Variants in PTBP2 observed in about 807,000 individuals in gnomAD.
PTBP2 encodes polypyrimidine tract binding protein 2, also known as polypyrimidine tract-binding protein 2.
A neutral mutation model predicts 61.4 loss-of-function variants in PTBP2; 13 were observed. The ratio of observed to expected loss-of-function variants is 0.21; its 90% CI spans 0.14 to 0.34. The LOEUF (loss-of-function observed/expected upper bound fraction) is 0.34, where lower values mean the gene tolerates loss of function less well. PTBP2 is among the 10% of genes least tolerant of loss of function. The pLI is 1.00. For synonymous variants in PTBP2, 215 were observed against 218.5 expected (o/e 0.98, Z 0.14); for missense variants, 405 against 642.6 (o/e 0.63, Z 4.00).
Position 96,770,750 on chromosome 1 carries a change from G to T in PTBP2, c.331G>T (p.Val111Phe). The change falls in exon 5 of 14, where the codon GTT (valine) becomes TTT (phenylalanine). Residue 111 changes from valine to phenylalanine, a missense_variant. Physicochemically the swap from Val to Phe is conservative, Grantham distance 50 (BLOSUM62 -1). Around this residue, in one of 4 missense-constraint regions of PTBP2, gnomAD observed 342 missense variants for 491.2 expected, o/e 0.70. Transcript: ENST00000674951. ...LATEEAAITM[V>F]NYYSAVTPHL... is the part of the protein sequence containing the mutation. ...AACCGAGGAAGCAGCTATTACTATG[G>T]TTAATTACTATTCTGCTGTGACACC... 6.2e-7 allele frequency: 1 copy of T among 1,611,914 alleles called. No individual in the cohort carries two copies. The highest frequency in any genetic ancestry group is 8.5e-7 in the Non-Finnish European group (1 of 1,178,264).
intron 3 of PTBP2, among the ~76,000 whole-genome samples, chr1:96,768,906 A>G (rs974682419): frequency 1.3e-5 from 2 of 152,022 alleles, no homozygotes; most frequent in Admixed American, 1.3e-4. Context: ...ACATTCTTTG[A>G]TCCCACCTTC....
At chr1:96,750,506 T>C (rs1654404766) in intron 2 of PTBP2, among the ~76,000 whole-genome samples, 1 of 152,068 alleles carries the variant, frequency 6.6e-6, no homozygotes, top group South Asian at 2.1e-4. Flanking sequence ...TAATACAGTT[T>C]ATTCATTATG....
intron 8 of PTBP2, among the ~76,000 whole-genome samples, chr1:96,801,981 A>T (rs931601384): frequency 6.6e-6 from 1 of 151,634 alleles, no homozygotes; most frequent in South Asian, 2.1e-4. Flanking sequence ...GGAGGCCGAG[A>T]CGGGTGGATC....
At chr1:96,737,475 A>C (rs912209598) in intron 2 of PTBP2, among the ~76,000 whole-genome samples, 1 of 150,004 alleles carries the variant, frequency 6.7e-6, no homozygotes, top group Non-Finnish European at 1.5e-5. Context: ...AAAAGAAGGC[A>C]AAAAAAAAGG....
intron 2 of PTBP2, among the ~76,000 whole-genome samples, chr1:96,729,126 A>G (rs748444736): frequency 7.9e-5 from 12 of 152,028 alleles, no homozygotes; most frequent in Non-Finnish European, 1.2e-4. Context: ...GGGTCAAGCA[A>G]TTCTCCTGCC....
At chr1:96,792,010 ATT>A (rs899965775) in intron 8 of PTBP2, among the ~76,000 whole-genome samples, 1 of 149,818 alleles carries the variant, frequency 6.7e-6, no homozygotes, top group Non-Finnish European at 1.5e-5. Context: ...ATTTCTTCAT[ATT>A]TTTTTTAGTA....
At chr1:96,772,592 T>A (rs1281504638) in intron 5 of PTBP2, among the ~76,000 whole-genome samples, 1 of 152,132 alleles carries the variant, frequency 6.6e-6, no homozygotes, top group East Asian at 1.9e-4. Context: ...TCCCCCAGCC[T>A]CTGGTGACTA....
At chr1:96,775,422 T>TTCCACAAA (rs1159575128) in intron 5 of PTBP2, among the ~76,000 whole-genome samples, 1 of 152,194 alleles carries the variant, frequency 6.6e-6, no homozygotes, top group African/African-American at 2.4e-5. Context: ...TGTTGTGTTG[T>TTCCACAAA]ATTCATTTAG....
exon 14 of PTBP2, chr1:96,821,628 AT>A (rs1473380783): frequency 9.6e-6 from 1 of 103,940 alleles, no homozygotes; most frequent in African/African-American, 2.7e-5. Context: ...TGCTTTTATT[AT>A]TATTATTATT....
intron 2 of PTBP2, among the ~76,000 whole-genome samples, chr1:96,725,723 G>A (rs1294712915): frequency 6.6e-6 from 1 of 152,100 alleles, no homozygotes; most frequent in Non-Finnish European, 1.5e-5. Flanking sequence ...AAGTAATTAA[G>A]TGTTCTTTAA....
At chr1:96,820,608 A>G (rs983696155) in exon 14 of PTBP2, 5 of 152,042 alleles carry the variant, frequency 3.3e-5, no homozygotes, top group Non-Finnish European at 7.4e-5. Context: ...ATCTGGTGCT[A>G]ATAACTTCCT....
chr1:96,812,575 C>T (rs1309053976), intron 11 of PTBP2, 137 bp from the exon 12 acceptor site: 7 of 717,872 alleles, frequency 9.8e-6, no homozygotes, highest in Non-Finnish European at 1.3e-5. Flanking sequence ...TAAGTCTTAT[C>T]ACCAGTGGCT....
intron 10 of PTBP2, 102 bp downstream of exon 10, chr1:96,806,554 T>C (rs1661509557): frequency 7.8e-7 from 1 of 1,288,424 alleles, no homozygotes. Context: ...GAATAGTAAA[T>C]CTTTTGCTAT....
chr1:96,797,600 C>T (rs573008172), intron 8 of PTBP2, among the ~76,000 whole-genome samples: 1 of 152,084 alleles, frequency 6.6e-6, no homozygotes, highest in South Asian at 2.1e-4. Context: ...CAGTCCCATC[C>T]CCCACCCTCT....
rs1649596489 is a variant in PTBP2 at position 96,721,850 on chromosome 1, T to G, written c.-15T>G. Reference sequence around the variant, plus strand: ...TGGCTCGGTTCTTGTGAGCGAAGCTTTGTCCGGTTCGGCAATGGACGGGTA... The same window carrying G: ...TGGCTCGGTTCTTGTGAGCGAAGCTGTGTCCGGTTCGGCAATGGACGGGTA... On this transcript the variant is annotated 5_prime_UTR_variant, in exon 1 of 14. Coordinates refer to ENST00000674951, the MANE Select transcript of PTBP2 (RefSeq NM_021190.4). The G allele has an allele frequency of 6.4e-7, 1 of 1,567,748 alleles. No individual in the cohort carries two copies. Among genetic ancestry groups the G allele is most frequent in the Non-Finnish European group, 8.6e-7 (1 of 1,156,316 alleles).
intron 3 of PTBP2, among the ~76,000 whole-genome samples, chr1:96,752,858 A>T (rs1284972874): frequency 6.6e-6 from 1 of 152,160 alleles, no homozygotes; most frequent in East Asian, 1.9e-4. Context: ...AGCAGACGGT[A>T]TAAGATCATC....
intron 8 of PTBP2, among the ~76,000 whole-genome samples, chr1:96,791,014 G>T: frequency 2.0e-5 from 1 of 51,250 alleles, no homozygotes; most frequent in Admixed American, 1.8e-4. Context: ...ATACATAATT[G>T]TGAAAAAAAA....
intron 3 of PTBP2, among the ~76,000 whole-genome samples, chr1:96,762,588 G>C (rs1656082401): frequency 6.8e-6 from 1 of 146,554 alleles, no homozygotes; most frequent in Non-Finnish European, 1.5e-5. Context: ...TGGCCGGGCA[G>C]AGGGGCTCCT....
chr1:96,777,867 T>C lies in PTBP2; in HGVS notation c.629T>C (p.Ile210Thr). 1.9e-6 allele frequency: 3 copies of C among 1,588,390 alleles called. No homozygotes were observed. The highest frequency in any genetic ancestry group is 1.7e-5 in the Admixed American group (1 of 58,976). ...TCTAAGTTTGGTGCTGTATTGAAGA[T>C]AATCACATTTACAAAAAATAACCAG... ...IFSKFGAVLKIITFTKNNQFQ... is the reference protein window; with the variant it reads ...IFSKFGAVLKTITFTKNNQFQ... Residue 210 changes from isoleucine (I) to threonine (T), a missense_variant, in exon 7 of 14, where the codon ATA becomes ACA. Coordinates refer to ENST00000674951, the MANE Select transcript of PTBP2 (RefSeq NM_021190.4).
Sources: gnomAD v4.1 joint callset for allele counts (sites outside exome capture counted in the v4.1 genomes callset) on GRCh38, gnomAD v4.1.1 for gene constraint, gnomAD v4.1.1 regional missense constraint, MANE v1.5 for transcripts, NCBI Gene and HGNC (gene_info 2026-07-23, HGNC 2026-07-21) for gene names.